Variants in PDS5A observed in about 807,000 individuals in gnomAD.
The protein encoded by PDS5A is sister chromatid cohesion protein PDS5 homolog A.
In PDS5A, 42 loss-of-function variants were observed where a neutral mutation model predicts 167.1. The observed-to-expected ratio is 0.25, with a 90% CI of 0.20 to 0.33. The LOEUF (loss-of-function observed/expected upper bound fraction) is 0.33, where lower values mean the gene tolerates loss of function less well. PDS5A is among the 10% of genes least tolerant of loss of function. The probability of loss-of-function intolerance (pLI) is 1.00; values close to 1 mark genes in which losing one functional copy is unlikely to be tolerated. For synonymous variants in PDS5A, 553 were observed against 554.6 expected (o/e 1.00, Z 0.04); for missense variants, 1,033 against 1,605.9 (o/e 0.64, Z 6.10).
intron 2 of PDS5A, among the ~76,000 whole-genome samples, chr4:39,975,917 T>C (rs1437936811): frequency 6.6e-6 from 1 of 152,230 alleles, no homozygotes; most frequent in East Asian, 1.9e-4. Flanking sequence ...GCCATAATAC[T>C]CTTAAACTCC....
At chr4:39,912,498 C>G (rs1282019157) in intron 9 of PDS5A, among the ~76,000 whole-genome samples, 2 of 152,236 alleles carry the variant, frequency 1.3e-5, no homozygotes, top group Non-Finnish European at 2.9e-5. Context: ...TCCTATAAGA[C>G]CTTCAAAATG....
At chr4:39,832,572 T>G (rs1716004488) in intron 32 of PDS5A, among the ~76,000 whole-genome samples, 1 of 152,130 alleles carries the variant, frequency 6.6e-6, no homozygotes, top group African/African-American at 2.4e-5. Flanking sequence ...GGATCTAGTT[T>G]GAGGCACTGA....
chr4:39,910,155 C>A, intron 10 of PDS5A, 89 bp downstream of exon 10: 1 of 645,810 alleles, frequency 1.5e-6, no homozygotes, highest in Non-Finnish European at 2.8e-6. Context: ...GAGTTAAAAC[C>A]TACTTGGAAA....
intron 26 of PDS5A, among the ~76,000 whole-genome samples, chr4:39,857,685 T>G (rs749281315): frequency 3.9e-5 from 6 of 151,962 alleles, no homozygotes; most frequent in Non-Finnish European, 7.4e-5. Context: ...AAAAGGTCAA[T>G]CCAGCAAGAA....
At chr4:39,829,095 T>C (rs775115959) in intron 32 of PDS5A, among the ~76,000 whole-genome samples, 3 of 152,186 alleles carry the variant, frequency 2.0e-5, no homozygotes, top group Non-Finnish European at 4.4e-5. Flanking sequence ...GCGGTGTGTT[T>C]GATTGCTCTC....
At chr4:39,957,074 T>G (rs1459937475) in intron 2 of PDS5A, among the ~76,000 whole-genome samples, 5 of 152,198 alleles carry the variant, frequency 3.3e-5, no homozygotes, top group Admixed American at 1.3e-4. Context: ...ATTCAATGAT[T>G]TTCTTTTCAC....
chr4:39,878,160 T>C (rs1317700700), intron 18 of PDS5A, among the ~76,000 whole-genome samples: 2 of 152,172 alleles, frequency 1.3e-5, no homozygotes, highest in Non-Finnish European at 2.9e-5. Flanking sequence ...TGGTCTTCAT[T>C]AATTTTTCAA....
intron 2 of PDS5A, among the ~76,000 whole-genome samples, chr4:39,935,989 A>C (rs1726560411): frequency 6.6e-6 from 1 of 152,250 alleles, no homozygotes; most frequent in Non-Finnish European, 1.5e-5. Flanking sequence ...TAAATGGATA[A>C]ATCCATTGTG....
chr4:39,913,529 A>G, intron 9 of PDS5A, 82 bp downstream of exon 9: 1 of 710,464 alleles, frequency 1.4e-6, no homozygotes, highest in South Asian at 1.7e-5. Flanking sequence ...GAAAGTTTTG[A>G]TATGTATAGT....
intron 21 of PDS5A, among the ~76,000 whole-genome samples, chr4:39,870,292 T>C (rs944648044): frequency 1.3e-5 from 2 of 152,160 alleles, no homozygotes; most frequent in Admixed American, 6.5e-5. Context: ...TTCATGATCT[T>C]GGATCTGGTA....
intron 8 of PDS5A, among the ~76,000 whole-genome samples, chr4:39,915,678 C>A (rs529480309): frequency 1.5e-4 from 23 of 152,116 alleles, no homozygotes; most frequent in Admixed American, 5.9e-4. Flanking sequence ...TTTTCTTTGA[C>A]AAAATTTTTC....
chr4:39,898,200 T>G, intron 16 of PDS5A, 189 bp downstream of exon 16: 4 of 1,267,318 alleles, frequency 3.2e-6, no homozygotes, highest in Non-Finnish European at 4.0e-6. Flanking sequence ...CTTTAGTTAT[T>G]TTCCTGGAAT....
intron 5 of PDS5A, among the ~76,000 whole-genome samples, chr4:39,925,127 A>G (rs1388970742): frequency 6.6e-6 from 1 of 152,060 alleles, no homozygotes; most frequent in African/African-American, 2.4e-5. Context: ...AAACAAAACA[A>G]AACAACCCAC....
At chr4:39,825,576 T>C (rs1013299037) in intron 32 of PDS5A, 88 bp from the exon 33 acceptor site, 2 of 976,734 alleles carry the variant, frequency 2.0e-6, no homozygotes, top group Non-Finnish European at 3.0e-6. Flanking sequence ...ATAGTTGTTA[T>C]CTAAAATCTT....
chr4:39,832,153 T>C (rs750909935), intron 32 of PDS5A, among the ~76,000 whole-genome samples: 1 of 151,562 alleles, frequency 6.6e-6, no homozygotes, highest in South Asian at 2.1e-4. Context: ...AAAACAAGAA[T>C]ATAAGGGGTC....
rs1369899260 is a variant in PDS5A, at chr4:39,977,818, C to A, written c.-402G>T. 2 of 149,624 alleles carry A rather than the reference C, an allele frequency of 1.3e-5. No individual in the cohort carries two copies. Among genetic ancestry groups the A allele is most frequent in the Non-Finnish European group, 3.0e-5 (2 of 67,036 alleles). 9.3% of individuals were successfully genotyped at this position (149,624 alleles called of 1,614,324 possible). A position where few individuals can be genotyped will look rare whatever the true frequency, so the allele number is the denominator to read the frequency against. ...CGGACCGCCGACTCGGACCCGGACG[C>A]CCCTCGCAGAGGCGCGCGCCCGGCC... is the stretch of plus-strand genomic sequence containing the variant. On this transcript the variant is annotated 5_prime_UTR_variant, in exon 1 of 33. Transcript: ENST00000303538. The surrounding 1 kb of genome is among the most constrained non-coding windows in gnomAD (Gnocchi z 4.2).
intron 8 of PDS5A, 45 bp from the exon 9 acceptor site, chr4:39,913,771 G>T: frequency 1.0e-6 from 1 of 969,476 alleles, no homozygotes; most frequent in Non-Finnish European, 1.7e-6. Flanking sequence ...TTATTCACCA[G>T]ATTACAGAAA....
Position 39,866,934 on chromosome 4 carries a change from C to G in PDS5A, c.2569G>C (p.Ala857Pro). The change falls in exon 23 of 33, where the codon GCC becomes CCC. Residue 857 changes from alanine (A) to proline (P), a missense_variant. By Grantham distance (27) the Ala-to-Pro change is conservative. Coordinates refer to ENST00000303538, the MANE Select transcript of PDS5A (RefSeq NM_001100399.2). ...LGMKNNQSKS[A>P]NSTLRLLSAM... ...GATAATAACCGAAGGGTTGAATTGG[C>G]AGATTTAGACTGGTTGTTTTTCATA... 1 of 1,612,524 alleles carries G rather than the reference C, an allele frequency of 6.2e-7. No homozygotes were observed. The highest frequency in any genetic ancestry group is 8.5e-7 in the Non-Finnish European group (1 of 1,179,022).
At chr4:39,942,188 T>C (rs1727287088) in intron 2 of PDS5A, among the ~76,000 whole-genome samples, 1 of 152,192 alleles carries the variant, frequency 6.6e-6, no homozygotes, top group African/African-American at 2.4e-5. Flanking sequence ...TCTATACTTA[T>C]ACATATGTAT....
Sources: gnomAD v4.1 joint callset for allele counts (sites outside exome capture counted in the v4.1 genomes callset) on GRCh38, gnomAD v4.1.1 for gene constraint, Gnocchi (gnomAD v3.1) non-coding constraint, MANE v1.5 for transcripts, NCBI Gene and HGNC (gene_info 2026-07-23, HGNC 2026-07-21) for gene names.